Variants in CFAP77 observed in about 807,000 individuals in gnomAD.
CFAP77 encodes cilia and flagella associated protein 77.
In CFAP77, 25 loss-of-function variants were observed where a neutral mutation model predicts 31.1. The observed-to-expected ratio is 0.80, with a 90% CI of 0.59 to 1.12. The LOEUF (loss-of-function observed/expected upper bound fraction) is 1.12, where lower values mean the gene tolerates loss of function less well. Among genes scored for constraint, CFAP77 ranks in the 50% most tolerant of loss-of-function variants. The pLI is 0.00. For synonymous variants in CFAP77, 151 were observed against 159.9 expected, an observed-to-expected ratio of 0.94 and a Z score of 0.42; for missense variants, 377 against 397.3, an observed-to-expected ratio of 0.95 and a Z score of 0.44.
intron 5 of CFAP77, among the ~76,000 whole-genome samples, chr9:132,543,762 G>A (rs949936739): frequency 1.3e-5 from 2 of 152,330 alleles, no homozygotes; most frequent in East Asian, 3.9e-4. Context: ...CAGGGAACAC[G>A]CCACATTCTG....
rs1228947952 is a variant in CFAP77 at position 132,552,450 on chromosome 9, C to T, written c.732+9403C>T. On this transcript the variant is annotated intron_variant, in intron 5 of 5. Transcript: ENST00000393216. The surrounding 1 kb of genome is among the most constrained non-coding windows in gnomAD (Gnocchi z 5.5). ...GGCTCATGCCTGTAATCTCCCAGCA[C>T]TTTGGGAGGCCAAGGCGGGAGGATC... Among the ~76,000 whole-genome samples, 1 of 152,182 alleles carries T rather than the reference C, an allele frequency of 6.6e-6. No individual in the cohort carries two copies. Among genetic ancestry groups the T allele is most frequent in the East Asian group, 1.9e-4 (1 of 5,200 alleles).
At chr9:132,515,570 C>T (rs2119004836) in intron 3 of CFAP77, among the ~76,000 whole-genome samples, 1 of 152,268 alleles carries the variant, frequency 6.6e-6, no homozygotes, top group Non-Finnish European at 1.5e-5. Flanking sequence ...GGCACGGGGC[C>T]TTCTCGGCCT....
At chr9:132,419,228 C>T (rs143067690) in intron 1 of CFAP77, among the ~76,000 whole-genome samples, 3 of 152,236 alleles carry the variant, frequency 2.0e-5, no homozygotes, top group East Asian at 3.9e-4. Flanking sequence ...CAGAAGCATA[C>T]AAGATAAATT....
rs376224876 is a variant in CFAP77 at position 132,499,635 on chromosome 9, A to T, written c.524+35A>T. 1 of 1,593,064 alleles carries T rather than the reference A, an allele frequency of 6.3e-7. No homozygotes were observed. Among genetic ancestry groups the T allele is most frequent in the East Asian group, 2.2e-5 (1 of 44,776 alleles). Reference sequence around the variant, plus strand: ...CTGGCAGCCAGGGCTTCATCCCTTGAGGGGGTGGAGGTACCAGCTCAATCA... The same window carrying T: ...CTGGCAGCCAGGGCTTCATCCCTTGTGGGGGTGGAGGTACCAGCTCAATCA... On this transcript the variant is annotated intron_variant, in intron 3 of 5. Transcript: ENST00000393216. The surrounding 1 kb of genome is among the most constrained non-coding windows in gnomAD (Gnocchi z 5.4).
intron 3 of CFAP77, among the ~76,000 whole-genome samples, chr9:132,529,519 AC>A (rs1199607793): frequency 6.0e-5 from 7 of 115,714 alleles, no homozygotes; most frequent in East Asian, 2.5e-4. Context: ...AAAAAAAAAA[AC>A]AAAAAAAAAA....
intron 1 of CFAP77, among the ~76,000 whole-genome samples, chr9:132,476,526 G>A (rs1255219347): frequency 2.6e-5 from 4 of 152,144 alleles, no homozygotes; most frequent in Admixed American, 1.3e-4. Context: ...TGGTTCCCAC[G>A]AGGTGCTGGG....
chr9:132,516,212 A>G (rs1244188097), intron 3 of CFAP77, among the ~76,000 whole-genome samples: 3 of 152,182 alleles, frequency 2.0e-5, no homozygotes, highest in Non-Finnish European at 4.4e-5. Flanking sequence ...TTTTAAAAAA[A>G]TATATATTGG....
intron 1 of CFAP77, among the ~76,000 whole-genome samples, chr9:132,494,822 A>C (rs1316036142): frequency 2.0e-5 from 3 of 152,234 alleles, no homozygotes; most frequent in Non-Finnish European, 2.9e-5. Flanking sequence ...ACATCCTCTT[A>C]AATAAGTTCC....
chr9:132,569,687 A>G (rs1339655760), intron 5 of CFAP77, among the ~76,000 whole-genome samples: 1 of 149,226 alleles, frequency 6.7e-6, no homozygotes, highest in Non-Finnish European at 1.5e-5. Flanking sequence ...CCGAGACCCC[A>G]AGGTCTGATG....
chr9:132,566,961 G>A (rs987426090), intron 5 of CFAP77, among the ~76,000 whole-genome samples: 4 of 152,184 alleles, frequency 2.6e-5, no homozygotes, highest in African/African-American at 7.2e-5. Flanking sequence ...GGGCCCACCC[G>A]ACCTTCTTTA....
chr9:132,436,496 A>T (rs967482755), intron 1 of CFAP77, among the ~76,000 whole-genome samples: 1 of 152,208 alleles, frequency 6.6e-6, no homozygotes, highest in African/African-American at 2.4e-5. Context: ...GGGTTTGCAA[A>T]AAATTTGAAT....
chr9:132,553,209 T>C (rs1420612400), intron 5 of CFAP77, among the ~76,000 whole-genome samples: 2 of 152,160 alleles, frequency 1.3e-5, no homozygotes, highest in Non-Finnish European at 2.9e-5. Context: ...ACGCTAATCC[T>C]ATCATGGGGG....
intron 1 of CFAP77, among the ~76,000 whole-genome samples, chr9:132,439,408 C>G (rs1156406973): frequency 6.6e-6 from 1 of 152,084 alleles, no homozygotes; most frequent in Non-Finnish European, 1.5e-5. Flanking sequence ...TAAGCCAACC[C>G]AGGCAGCTGA....
chr9:132,468,339 C>T (rs748570766), intron 1 of CFAP77, among the ~76,000 whole-genome samples: 3 of 152,160 alleles, frequency 2.0e-5, no homozygotes, highest in Non-Finnish European at 4.4e-5. Flanking sequence ...AGTGAGACTC[C>T]GTCTCAAAAA....
rs1430756604 is a variant in CFAP77, at chr9:132,480,592, G to A, written c.196-18103G>A. On this transcript the variant is annotated intron_variant, in intron 1 of 5. Coordinates refer to ENST00000393216, the MANE Select transcript of CFAP77 (RefSeq NM_001282957.2). The surrounding 1 kb of genome is among the most constrained non-coding windows in gnomAD (Gnocchi z 5.8). The stretch of plus-strand genomic sequence containing the variant: ...CAGCTGACCTGCCGCAGAGTGAGAC[G>A]TGGCAGAAACCACCATTTGAATGAT... 2.6e-5 allele frequency among the ~76,000 whole-genome samples: 4 copies of A among 152,222 alleles called. No individual in the cohort carries two copies. The highest frequency in any genetic ancestry group is 7.2e-5 in the African/African-American group (3 of 41,466).
In CFAP77 at chr9:132,455,248, T is replaced by C. The variant is rs1441678532; in HGVS notation, c.196-43447T>C. Among the ~76,000 whole-genome samples, 1 of 152,178 alleles carries C rather than the reference T, an allele frequency of 6.6e-6. No individual in the cohort carries two copies. Among genetic ancestry groups the C allele is most frequent in the South Asian group, 2.1e-4 (1 of 4,828 alleles). On this transcript the variant is annotated intron_variant, in intron 1 of 5. Coordinates refer to ENST00000393216, the MANE Select transcript of CFAP77 (RefSeq NM_001282957.2). This position sits in a 1 kb window ranked among gnomAD's most constrained non-coding sequence, Gnocchi z 4.1. ...CTGGCTGGGTGCTGTGGCTTACACCTGTAATCCCAGCACTTTGGGAGGCCG... is the reference window on the plus strand; with the variant it reads ...CTGGCTGGGTGCTGTGGCTTACACCCGTAATCCCAGCACTTTGGGAGGCCG...
rs549907322 is a variant in CFAP77, at chr9:132,534,334, C to T, written c.525-3267C>T. On this transcript the variant is annotated intron_variant, in intron 3 of 5. Transcript: ENST00000393216. ...CTTTTCTATAAAGAACTTTTCCGGC[C>T]GGGCACGGTGGCTCATGCCTGTAAT... Among the ~76,000 whole-genome samples the T allele has an allele frequency of 3.1e-4, 47 of 152,160 alleles. 1 individual carries two copies. In the South Asian group the frequency reaches 3.7e-3, roughly 12 times the overall value.
At chr9:132,484,331 T>C (rs1851501127) in intron 1 of CFAP77, among the ~76,000 whole-genome samples, 1 of 152,200 alleles carries the variant, frequency 6.6e-6, no homozygotes, top group South Asian at 2.1e-4. Context: ...CGCAATGTCA[T>C]ACAACCATCA....
chr9:132,513,881 C>T (rs1032579922), intron 3 of CFAP77, among the ~76,000 whole-genome samples: 3 of 152,170 alleles, frequency 2.0e-5, no homozygotes, highest in African/African-American at 7.2e-5. Flanking sequence ...ACTCTTTCTA[C>T]CTCCTCTGTG....
Sources: allele counts gnomAD v4.1 joint callset (sites outside exome capture counted in the v4.1 genomes callset), GRCh38; gene constraint gnomAD v4.1.1; non-coding constraint Gnocchi (gnomAD v3.1); transcripts MANE v1.5; gene names NCBI Gene and HGNC (gene_info 2026-07-23, HGNC 2026-07-21).